Variants in CRIM1 observed in about 807,000 individuals in gnomAD.
The protein encoded by CRIM1 is cysteine rich transmembrane BMP regulator 1.
A neutral mutation model predicts 116.4 loss-of-function variants in CRIM1; 32 were observed. That is an observed-to-expected ratio of 0.27 (90% CI 0.21 to 0.37). The LOEUF (loss-of-function observed/expected upper bound fraction) is 0.37, where lower values mean the gene tolerates loss of function less well. Among genes scored for constraint, CRIM1 ranks in the 10% least tolerant of loss-of-function variants. The pLI is 1.00. For missense variants in CRIM1, 1,331 were observed against 1,354.8 expected (o/e 0.98, Z 0.28); for synonymous variants, 590 against 509.2 (o/e 1.16, Z -2.13).
intron 7 of CRIM1, among the ~76,000 whole-genome samples, chr2:36,494,501 A>G (rs1388500925): frequency 6.6e-6 from 1 of 152,162 alleles, no homozygotes; most frequent in Non-Finnish European, 1.5e-5. Context: ...GTTTTCTAAG[A>G]CTTGGGATAA....
intron 12 of CRIM1, among the ~76,000 whole-genome samples, chr2:36,517,990 C>T (rs1447683619): frequency 6.6e-6 from 1 of 152,150 alleles, no homozygotes; most frequent in Admixed American, 6.5e-5. Context: ...GGCGAAGAGA[C>T]TTTGAAATAT....
intron 1 of CRIM1, among the ~76,000 whole-genome samples, chr2:36,386,242 A>C (rs1182337589): frequency 1.3e-5 from 2 of 152,224 alleles, no homozygotes; most frequent in African/African-American, 2.4e-5. Flanking sequence ...CACATTATCT[A>C]ATTATTGTCA....
At chr2:36,543,615 G>C (rs1310844319) in intron 14 of CRIM1, among the ~76,000 whole-genome samples, 1 of 152,054 alleles carries the variant, frequency 6.6e-6, no homozygotes, top group East Asian at 1.9e-4. Context: ...GCTTTAAAAT[G>C]TGGGGCTAGT....
intron 1 of CRIM1, among the ~76,000 whole-genome samples, chr2:36,374,361 TG>T (rs538655001): frequency 3.9e-5 from 6 of 152,370 alleles, no homozygotes; most frequent in African/African-American, 1.4e-4. Context: ...AGAATGCTAC[TG>T]TAAAGGGATA....
chr2:36,357,820 C>T (rs1668954802), intron 1 of CRIM1, among the ~76,000 whole-genome samples: 1 of 152,142 alleles, frequency 6.6e-6, no homozygotes, highest in Non-Finnish European at 1.5e-5. Flanking sequence ...CCAGCACCGT[C>T]CAGGGAACGG....
At chr2:36,412,574 G>A (rs566821031) in intron 2 of CRIM1, among the ~76,000 whole-genome samples, 1 of 152,064 alleles carries the variant, frequency 6.6e-6, no homozygotes, top group African/African-American at 2.4e-5. Context: ...TATTATTTGT[G>A]TATTCCTCAG....
intron 3 of CRIM1, 96 bp downstream of exon 3, chr2:36,441,596 A>T (rs1221174541): frequency 7.5e-6 from 11 of 1,467,394 alleles, no homozygotes; most frequent in Non-Finnish European, 1.0e-5. Context: ...TCACACGAAG[A>T]TGGGCCTTCT....
intron 4 of CRIM1, among the ~76,000 whole-genome samples, chr2:36,459,902 A>G (rs1395161823): frequency 6.6e-6 from 1 of 152,142 alleles, no homozygotes; most frequent in Non-Finnish European, 1.5e-5. Flanking sequence ...TCGGACTCTG[A>G]CCTTCTGGCC....
intron 2 of CRIM1, among the ~76,000 whole-genome samples, chr2:36,415,981 G>A (rs182159355): frequency 6.6e-6 from 1 of 152,312 alleles, no homozygotes; most frequent in Non-Finnish European, 1.5e-5. Context: ...GCCAAGGCAC[G>A]CGGATCACTT....
chr2:36,542,819 G>A (rs1397302607), intron 14 of CRIM1, among the ~76,000 whole-genome samples: 1 of 152,144 alleles, frequency 6.6e-6, no homozygotes, highest in East Asian at 1.9e-4. Context: ...TTCAGTGGGT[G>A]CATTAAATAC....
chr2:36,541,844 T>G (rs542934226), intron 14 of CRIM1, among the ~76,000 whole-genome samples: 1 of 152,254 alleles, frequency 6.6e-6, no homozygotes, highest in South Asian at 2.1e-4. Flanking sequence ...AAGGGTTATA[T>G]TTTAGAGTCT....
intron 13 of CRIM1, among the ~76,000 whole-genome samples, chr2:36,533,615 T>C (rs1475815466): frequency 4.6e-5 from 7 of 152,016 alleles, no homozygotes; most frequent in Admixed American, 6.6e-5. Flanking sequence ...AAAAAAGTTA[T>C]TGGTTTTCCC....
chr2:36,487,104 C>T (rs904507139), intron 7 of CRIM1, among the ~76,000 whole-genome samples: 36 of 152,078 alleles, frequency 2.4e-4, no homozygotes, highest in African/African-American at 8.4e-4. Context: ...ATCATACTGC[C>T]CAATGTTCAA....
intron 2 of CRIM1, among the ~76,000 whole-genome samples, chr2:36,399,200 A>T (rs1366109532): frequency 6.6e-6 from 1 of 152,236 alleles, no homozygotes; most frequent in Non-Finnish European, 1.5e-5. Context: ...AACAAGCTTA[A>T]GCCGGGTAAT....
At position 36,546,879 on chromosome 2, in the gene CRIM1, G is replaced by A. The variant is rs1005146994; in HGVS notation, c.2747-105G>A. ...TCACATTTTTAGCCTCAAAAAACTG[G>A]GAAGCAATAAAACCAAGTTGCTGAT... On this transcript the variant is annotated intron_variant, in intron 15 of 16. Transcript: ENST00000280527. 4 of 639,164 alleles carry A rather than the reference G, an allele frequency of 6.3e-6. No individual in the cohort carries two copies. In the East Asian group the frequency reaches 1.2e-4, roughly 19 times the overall value. 39.6% of individuals were successfully genotyped at this position (639,164 alleles called of 1,614,324 possible).
intron 2 of CRIM1, among the ~76,000 whole-genome samples, chr2:36,413,904 C>G (rs913803301): frequency 6.6e-6 from 1 of 152,170 alleles, no homozygotes; most frequent in South Asian, 2.1e-4. Flanking sequence ...AGCAAAAGGT[C>G]ACTTTTAAGC....
At chr2:36,383,798 G>A (rs980113009) in intron 1 of CRIM1, among the ~76,000 whole-genome samples, 13 of 152,028 alleles carry the variant, frequency 8.6e-5, no homozygotes, top group South Asian at 4.1e-4. Context: ...TAGGTAGACC[G>A]GAGGAAAAAA....
At chr2:36,423,123 C>T (rs912903679) in intron 2 of CRIM1, among the ~76,000 whole-genome samples, 1 of 152,160 alleles carries the variant, frequency 6.6e-6, no homozygotes, top group Non-Finnish European at 1.5e-5. Context: ...TGGGTACTTT[C>T]AAATTCATTT....
At chr2:36,371,938 C>A (rs982999963) in intron 1 of CRIM1, among the ~76,000 whole-genome samples, 5 of 152,154 alleles carry the variant, frequency 3.3e-5, no homozygotes, top group Non-Finnish European at 1.5e-5. Context: ...TTGGTGATAG[C>A]AAAATAGACT....
Sources: allele counts gnomAD v4.1 joint callset (sites outside exome capture counted in the v4.1 genomes callset), GRCh38; gene constraint gnomAD v4.1.1; transcripts MANE v1.5; gene names NCBI Gene and HGNC (gene_info 2026-07-23, HGNC 2026-07-21).